SLC35F1: variants seen among roughly 807,000 people sequenced by gnomAD.
SLC35F1 encodes solute carrier family 35 member F1, also known as chromosome 6 open reading frame 169.
Under a neutral mutation model 48.7 loss-of-function variants are expected in SLC35F1, and 14 were observed. The observed-to-expected ratio is 0.29, with a 90% CI of 0.19 to 0.45. The LOEUF (loss-of-function observed/expected upper bound fraction) is 0.45, where lower values mean the gene tolerates loss of function less well. Ranked by LOEUF, SLC35F1 falls within the 20% of genes least tolerant of loss-of-function variation. SLC35F1 has a pLI of 1.00. For synonymous variants in SLC35F1, 190 were observed against 202.2 expected, an observed-to-expected ratio of 0.94 and a Z score of 0.51; for missense variants, 404 against 500.0, an observed-to-expected ratio of 0.81 and a Z score of 1.83.
intron 1 of SLC35F1, among the ~76,000 whole-genome samples, chr6:117,993,301 C>CT (rs1776944065): frequency 1.3e-5 from 2 of 152,026 alleles, no homozygotes; most frequent in Non-Finnish European, 2.9e-5. Context: ...AATGTTTACC[C>CT]TTAACCACAT....
chr6:117,997,919 C>CAATATT (rs1777020846), intron 1 of SLC35F1, among the ~76,000 whole-genome samples: 1 of 151,584 alleles, frequency 6.6e-6, no homozygotes, highest in South Asian at 2.1e-4. Context: ...AATTCACACA[C>CAATATT]AACAATATTA....
chr6:118,145,814 T>TC (rs1773964271), intron 1 of SLC35F1, among the ~76,000 whole-genome samples: 2 of 152,158 alleles, frequency 1.3e-5, no homozygotes, highest in Non-Finnish European at 2.9e-5. Flanking sequence ...ACTCATTACT[T>TC]TAAAAAATTT....
At chr6:118,023,494 CTCT>C (rs999516054) in intron 1 of SLC35F1, among the ~76,000 whole-genome samples, 1 of 152,038 alleles carries the variant, frequency 6.6e-6, no homozygotes, top group African/African-American at 2.4e-5. Flanking sequence ...TTCCTTTCCC[CTCT>C]TCTTTTCTCA....
chr6:118,014,147 A>G (rs963505403), intron 1 of SLC35F1, among the ~76,000 whole-genome samples: 32 of 152,204 alleles, frequency 2.1e-4, no homozygotes, highest in African/African-American at 7.7e-4. Context: ...CAAAATGGGT[A>G]TAATAATATT....
At chr6:118,060,510 G>A (rs1772522594) in intron 1 of SLC35F1, among the ~76,000 whole-genome samples, 2 of 151,798 alleles carry the variant, frequency 1.3e-5, no homozygotes, top group Admixed American at 6.6e-5. Flanking sequence ...TTTCTGTTAG[G>A]TTTGTTATTT....
chr6:118,173,339 C>T (rs1255239130), intron 2 of SLC35F1, among the ~76,000 whole-genome samples: 2 of 149,950 alleles, frequency 1.3e-5, no homozygotes, highest in South Asian at 2.1e-4. Context: ...TTCTCTCATC[C>T]CTAACAGATT....
Position 118,275,501 on chromosome 6 carries a change from C to T in SLC35F1, c.680C>T (p.Ala227Val). ...GGGGACCTTCTGGTCTTAGGAGGAG[C>T]CACACTCTATGGTATTTCTAACGTC... ...LVGDLLVLGG[A>V]TLYGISNVWE... Residue 227 changes from alanine (A) to valine (V), a missense_variant, in exon 5 of 8, where the codon GCC (alanine) becomes GTC (valine). This residue lies in a region of SLC35F1 where 306 missense variants were observed against 419.1 expected (regional missense o/e 0.73). Coordinates refer to ENST00000360388, the MANE Select transcript of SLC35F1 (RefSeq NM_001029858.4). 1 of 1,613,716 alleles carries T rather than the reference C, an allele frequency of 6.2e-7. No homozygotes were observed. Among genetic ancestry groups the T allele is most frequent in the Non-Finnish European group, 8.5e-7 (1 of 1,179,832 alleles).
intron 1 of SLC35F1, among the ~76,000 whole-genome samples, chr6:117,946,911 C>T (rs1348896389): frequency 1.3e-5 from 2 of 152,156 alleles, no homozygotes; most frequent in African/African-American, 4.8e-5. Context: ...CAGGTGTTTA[C>T]TGAGTGCCTG....
At position 118,277,558 on chromosome 6, in the gene SLC35F1, G is replaced by T; in HGVS notation, c.847+12G>T. The stretch of plus-strand genomic sequence containing the variant: ...GGACTGGCAAATAGGTAAGGAGTTG[G>T]CTCACATACGATGCTCTTTTTATAA... On this transcript the variant is annotated intron_variant, in intron 6 of 7. Transcript: ENST00000360388. The T allele has an allele frequency of 1.2e-6, 2 of 1,612,366 alleles. No homozygotes were observed. Among genetic ancestry groups the T allele is most frequent in the South Asian group, 2.2e-5 (2 of 91,030 alleles).
intron 7 of SLC35F1, among the ~76,000 whole-genome samples, chr6:118,299,120 G>T (rs1274657994): frequency 6.6e-6 from 1 of 152,140 alleles, no homozygotes; most frequent in Non-Finnish European, 1.5e-5. Flanking sequence ...GGTCGAGGCT[G>T]CAGTGAGCCA....
chr6:118,158,930 A>C (rs994327150), intron 2 of SLC35F1, among the ~76,000 whole-genome samples: 2 of 152,210 alleles, frequency 1.3e-5, no homozygotes, highest in Non-Finnish European at 2.9e-5. Context: ...AAATTTTTAA[A>C]AAATGCTCGG....
intron 1 of SLC35F1, among the ~76,000 whole-genome samples, chr6:118,097,956 G>A (rs780246091): frequency 1.6e-4 from 24 of 151,970 alleles, no homozygotes; most frequent in Non-Finnish European, 2.2e-4. Flanking sequence ...AAAATAAGTC[G>A]ATGGCTGTAT....
At chr6:118,277,685 T>A in intron 6 of SLC35F1, 139 bp downstream of exon 6, 1 of 742,908 alleles carries the variant, frequency 1.3e-6, no homozygotes, top group Non-Finnish European at 2.4e-6. Flanking sequence ...CCCTTTGTCA[T>A]TTCAGGAAAT....
intron 1 of SLC35F1, among the ~76,000 whole-genome samples, chr6:118,059,138 G>C (rs1347885062): frequency 6.6e-6 from 1 of 152,166 alleles, no homozygotes; most frequent in Non-Finnish European, 1.5e-5. Flanking sequence ...CAACAGAACA[G>C]ATAATGCACC....
chr6:118,083,831 C>T (rs1258062885), intron 1 of SLC35F1, among the ~76,000 whole-genome samples: 3 of 152,164 alleles, frequency 2.0e-5, no homozygotes, highest in Non-Finnish European at 2.9e-5. Context: ...TTATGAAAGA[C>T]TTTTCTCAGC....
At chr6:118,252,232 T>A (rs1775583779) in intron 3 of SLC35F1, among the ~76,000 whole-genome samples, 1 of 152,056 alleles carries the variant, frequency 6.6e-6, no homozygotes, top group South Asian at 2.1e-4. Context: ...TAGAAGTGGA[T>A]GTGATTAGAC....
intron 2 of SLC35F1, among the ~76,000 whole-genome samples, chr6:118,212,567 G>A (rs1029308391): frequency 7.2e-5 from 11 of 152,024 alleles, no homozygotes; most frequent in Admixed American, 6.6e-5. Flanking sequence ...GCAGGCACCC[G>A]TAATCCTAGC....
intron 1 of SLC35F1, among the ~76,000 whole-genome samples, chr6:117,946,593 A>T (rs541137481): frequency 6.6e-6 from 1 of 152,222 alleles, no homozygotes; most frequent in African/African-American, 2.4e-5. Context: ...GACAACCTAC[A>T]TGTAAACTCT....
chr6:118,233,035 G>A (rs112357647), intron 2 of SLC35F1, among the ~76,000 whole-genome samples: 3,700 of 151,722 alleles, frequency 0.024, 143 homozygotes, highest in African/African-American at 0.084. Flanking sequence ...GCGCCATCTC[G>A]GCTCACTGCA....
Sources: allele counts gnomAD v4.1 joint callset (sites outside exome capture counted in the v4.1 genomes callset), GRCh38; gene constraint gnomAD v4.1.1; regional missense constraint gnomAD v4.1.1; transcripts MANE v1.5; gene names NCBI Gene and HGNC (gene_info 2026-07-23, HGNC 2026-07-21).